Variants in PCDH9 observed in about 807,000 individuals in gnomAD.
PCDH9 encodes protocadherin 9.
PCDH9 carries 24 observed loss-of-function variants against 70.6 expected under a neutral mutation model. The observed-to-expected ratio is 0.34, with a 90% CI of 0.25 to 0.48. The LOEUF is 0.48. Ranked by LOEUF, PCDH9 falls within the 20% of genes least tolerant of loss-of-function variation. PCDH9 has a pLI of 0.99. For missense variants in PCDH9, 1,281 were observed against 1,503.6 expected (o/e 0.85, Z 2.45); for synonymous variants, 562 against 558.5 (o/e 1.01, Z -0.09).
chr13:67,044,170 T>C (rs112532136), intron 2 of PCDH9, among the ~76,000 whole-genome samples: 206 of 152,298 alleles, frequency 1.4e-3, no homozygotes, highest in African/African-American at 4.8e-3. Flanking sequence ...ACCAAAAATG[T>C]TGTCAGGGCT....
intron 2 of PCDH9, chr13:67,217,748 C>T (rs1484402151): frequency 1.3e-5 from 2 of 152,020 alleles, no homozygotes; most frequent in African/African-American, 4.8e-5. Context: ...GTCTTATAGA[C>T]ACCTGGGGTG....
chr13:66,984,168 G>A (rs1479222544), intron 2 of PCDH9, among the ~76,000 whole-genome samples: 1 of 152,016 alleles, frequency 6.6e-6, no homozygotes, highest in Non-Finnish European at 1.5e-5. Context: ...TATTAGACTA[G>A]GATGGAGGAA....
intron 3 of PCDH9, among the ~76,000 whole-genome samples, chr13:66,725,792 A>G: frequency 6.6e-6 from 1 of 152,216 alleles, no homozygotes; most frequent in Non-Finnish European, 1.5e-5. Flanking sequence ...ATTTACAAAT[A>G]GAGGGGGAAC....
intron 3 of PCDH9, among the ~76,000 whole-genome samples, chr13:66,633,874 G>A (rs75477888): frequency 6.6e-6 from 1 of 152,056 alleles, no homozygotes; most frequent in African/African-American, 2.4e-5. Flanking sequence ...AAATATGCAC[G>A]ACTAGTTATA....
At chr13:66,985,534 G>A (rs1200202801) in intron 2 of PCDH9, 2 of 151,968 alleles carry the variant, frequency 1.3e-5, no homozygotes, top group Non-Finnish European at 2.9e-5. Flanking sequence ...GCTTGGAATT[G>A]TCTTTTTCTT....
At chr13:66,909,626 G>A (rs925358015) in intron 2 of PCDH9, among the ~76,000 whole-genome samples, 14 of 152,054 alleles carry the variant, frequency 9.2e-5, no homozygotes, top group South Asian at 4.2e-4. Context: ...AAAATTAGCC[G>A]GGCGTGGTGG....
chr13:66,785,669 A>C (rs975273238), intron 3 of PCDH9, among the ~76,000 whole-genome samples: 1 of 152,070 alleles, frequency 6.6e-6, no homozygotes, highest in Admixed American at 6.6e-5. Flanking sequence ...TCTTTTGGCT[A>C]TACTTCCTTT....
At chr13:66,445,684 A>ATT (rs1958072361) in intron 4 of PCDH9, among the ~76,000 whole-genome samples, 2 of 144,906 alleles carry the variant, frequency 1.4e-5, no homozygotes, top group African/African-American at 5.0e-5. Flanking sequence ...ACACATATAT[A>ATT]ATATATACAC....
intron 2 of PCDH9, chr13:67,213,076 T>C (rs1267822316): frequency 6.6e-6 from 1 of 150,512 alleles, no homozygotes; most frequent in African/African-American, 2.4e-5. Context: ...CCGGGTGTGG[T>C]GGCGGGCGCC....
chr13:66,427,392 C>T lies in PCDH9; in HGVS notation c.3341-122364G>A, dbSNP rs184441141. ...TCTCTCCATTTTATTTCATTGTTTGCGTTTATTCTTGCATAAATGCATATC... is the reference window on the plus strand; with the variant it reads ...TCTCTCCATTTTATTTCATTGTTTGTGTTTATTCTTGCATAAATGCATATC... On this transcript the variant is annotated intron_variant, in intron 4 of 4. Transcript: ENST00000377865. 1.4e-4 allele frequency among the ~76,000 whole-genome samples: 21 copies of T among 151,766 alleles called. No individual in the cohort carries two copies. The East Asian group carries it at 3.3e-3, about 24-fold the overall frequency.
At position 67,213,206 on chromosome 13, in the gene PCDH9, C is replaced by CAAAAAAAAAAAAAAAAAAAAAAAAAAAAA. The variant is rs34813503; in HGVS notation, c.3036+12170_3036+12198dup. 3 of 20,538 alleles carry CAAAAAAAAAAAAAAAAAAAAAAAAAAAAA rather than the reference C, an allele frequency of 1.5e-4. 1 individual carries two copies. Among genetic ancestry groups the CAAAAAAAAAAAAAAAAAAAAAAAAAAAAA allele is most frequent in the Non-Finnish European group, 2.8e-4 (3 of 10,906 alleles). The allele number at this position is 20,538 out of a possible 1,614,324, so 1.3% of individuals were successfully genotyped here. A position where few individuals can be genotyped will look rare whatever the true frequency, so the allele number is the denominator to read the frequency against. ...AGCCTGGACGACAGAGACTCCGTCACAAAAAAAAAAAAAAAAAAAAAAAAA... is the reference window on the plus strand; with the variant it reads ...AGCCTGGACGACAGAGACTCCGTCACAAAAAAAAAAAAAAAAAAAAAAAAAAAAAAAAAAAAAAAAAAAAAAAAAAAAAA... On this transcript the variant is annotated intron_variant, in intron 2 of 4. Coordinates refer to ENST00000377865, the MANE Select transcript of PCDH9 (RefSeq NM_203487.3).
At chr13:66,885,632 A>C (rs1257618965) in intron 3 of PCDH9, among the ~76,000 whole-genome samples, 1 of 152,158 alleles carries the variant, frequency 6.6e-6, no homozygotes, top group Non-Finnish European at 1.5e-5. Flanking sequence ...CTAATGTTCC[A>C]ATTCACTAGC....
At chr13:66,313,394 C>A (rs771928812) in intron 4 of PCDH9, among the ~76,000 whole-genome samples, 1 of 152,158 alleles carries the variant, frequency 6.6e-6, no homozygotes, top group Non-Finnish European at 1.5e-5. Context: ...GTTTCTCAGA[C>A]AAACTTGGTA....
intron 2 of PCDH9, among the ~76,000 whole-genome samples, chr13:67,137,694 C>T (rs1370210744): frequency 6.6e-6 from 1 of 152,042 alleles, no homozygotes; most frequent in Non-Finnish European, 1.5e-5. Flanking sequence ...GCTAAAGCTA[C>T]TAATGTCCTA....
intron 2 of PCDH9, among the ~76,000 whole-genome samples, chr13:66,970,579 C>CAGGG (rs1452186139): frequency 7.1e-6 from 1 of 141,256 alleles, no homozygotes; most frequent in Non-Finnish European, 1.5e-5. Context: ...TTCAAGCTTA[C>CAGGG]AGGGGTTCAT....
At chr13:67,115,929 G>C (rs1220046033) in intron 2 of PCDH9, among the ~76,000 whole-genome samples, 1 of 152,120 alleles carries the variant, frequency 6.6e-6, no homozygotes, top group Non-Finnish European at 1.5e-5. Context: ...TGGTAGCACA[G>C]CTTAGTTTAT....
intron 4 of PCDH9, among the ~76,000 whole-genome samples, chr13:66,472,122 G>A (rs1166511916): frequency 6.8e-6 from 1 of 146,308 alleles, no homozygotes; most frequent in African/African-American, 2.5e-5. Context: ...TGAGGCAAAA[G>A]AATCGCTTGA....
At chr13:66,920,491 C>T (rs1171722990) in intron 2 of PCDH9, among the ~76,000 whole-genome samples, 1 of 150,962 alleles carries the variant, frequency 6.6e-6, no homozygotes, top group Admixed American at 6.6e-5. Flanking sequence ...TGGTTTACCT[C>T]AGCACATAAT....
At chr13:66,923,483 C>T (rs564217186) in intron 2 of PCDH9, among the ~76,000 whole-genome samples, 2 of 151,548 alleles carry the variant, frequency 1.3e-5, no homozygotes, top group Admixed American at 6.6e-5. Context: ...TTATATAATT[C>T]TGGCTTTTAA....
Sources: gnomAD v4.1 joint callset for allele counts (sites outside exome capture counted in the v4.1 genomes callset) on GRCh38, gnomAD v4.1.1 for gene constraint, MANE v1.5 for transcripts, NCBI Gene and HGNC (gene_info 2026-07-23, HGNC 2026-07-21) for gene names.